The following EXOC6 variants were observed in gnomAD, a reference collection of about 807,000 sequenced individuals.
The protein encoded by EXOC6 is exocyst complex component 6.
In EXOC6, 60 loss-of-function variants were observed where a neutral mutation model predicts 112.5. The ratio of observed to expected loss-of-function variants is 0.53; its 90% CI spans 0.43 to 0.66. EXOC6 has a LOEUF of 0.66. EXOC6 is among the 30% of genes least tolerant of loss of function. The probability of loss-of-function intolerance (pLI) is 0.00; values close to 1 mark genes in which losing one functional copy is unlikely to be tolerated. For synonymous variants in EXOC6, 295 were observed against 308.0 expected (o/e 0.96, Z 0.44); for missense variants, 855 against 957.1 (o/e 0.89, Z 1.41).
intron 1 of EXOC6, among the ~76,000 whole-genome samples, chr10:92,892,565 G>A (rs935701266): frequency 1.3e-5 from 2 of 152,204 alleles, no homozygotes; most frequent in African/African-American, 2.4e-5. Context: ...CACACTGTTA[G>A]CATCTGCTAT....
At chr10:92,973,769 T>C (rs1842387994) in intron 17 of EXOC6, among the ~76,000 whole-genome samples, 1 of 152,166 alleles carries the variant, frequency 6.6e-6, no homozygotes, top group African/African-American at 2.4e-5. Flanking sequence ...AGGGTCCTCT[T>C]AGAGTTGTGA....
chr10:93,030,160 G>A (rs1228343122), intron 20 of EXOC6, among the ~76,000 whole-genome samples: 5 of 152,038 alleles, frequency 3.3e-5, no homozygotes, highest in Non-Finnish European at 7.4e-5. Context: ...TGCCTGCCTC[G>A]ACCTCCCAAA....
chr10:92,946,260 C>T (rs1852994274), intron 13 of EXOC6, among the ~76,000 whole-genome samples: 2 of 152,196 alleles, frequency 1.3e-5, no homozygotes, highest in South Asian at 2.1e-4. Flanking sequence ...TGCGCCACTG[C>T]ACTCCAGCCT....
chr10:92,829,328 T>G lies in EXOC6; in HGVS notation c.-27+2384T>G, dbSNP rs576472999. ...AGCCTGTCTATAAAATCCGATGCAC[T>G]CCCCACAGGCTGGAAGTCCCATTCG... On this transcript the variant is annotated intron_variant, in intron 1 of 22. Coordinates refer to the EXOC6 transcript ENST00000671701. Among the ~76,000 whole-genome samples, 7 of 152,242 alleles carry G rather than the reference T, an allele frequency of 4.6e-5. No individual in the cohort carries two copies. In the South Asian group the frequency reaches 1.4e-3, roughly 32 times the overall value.
chr10:92,941,937 A>G (rs1852690314), intron 13 of EXOC6, among the ~76,000 whole-genome samples: 1 of 152,078 alleles, frequency 6.6e-6, no homozygotes, highest in African/African-American at 2.4e-5. Flanking sequence ...GAAAAAGTCA[A>G]TCTTGAGGTT....
intron 1 of EXOC6, among the ~76,000 whole-genome samples, chr10:92,892,181 T>TAA (rs1179774348): frequency 1.3e-5 from 2 of 152,094 alleles, no homozygotes; most frequent in African/African-American, 2.4e-5. Context: ...GCAAAGTTGT[T>TAA]ACACTCATAG....
upstream of EXOC6, among the ~76,000 whole-genome samples, chr10:92,843,912 G>C (rs989050409): frequency 1.3e-5 from 2 of 150,156 alleles, no homozygotes; most frequent in Non-Finnish European, 3.0e-5. Context: ...TGGAGGTGGA[G>C]GCTGCAGTGA....
At chr10:92,991,213 G>A (rs1025522736) in intron 18 of EXOC6, among the ~76,000 whole-genome samples, 4 of 151,288 alleles carry the variant, frequency 2.6e-5, no homozygotes, top group Admixed American at 6.6e-5. Context: ...CGAGGTGGGC[G>A]GATTATGAGG....
At chr10:92,895,224 C>A (rs1849687133) in intron 4 of EXOC6, among the ~76,000 whole-genome samples, 1 of 152,138 alleles carries the variant, frequency 6.6e-6, no homozygotes, top group African/African-American at 2.4e-5. Context: ...GATTATATGT[C>A]ACATCAGTTT....
chr10:93,002,758 A>G (rs1371257795), intron 19 of EXOC6, among the ~76,000 whole-genome samples: 1 of 152,212 alleles, frequency 6.6e-6, no homozygotes, highest in Non-Finnish European at 1.5e-5. Flanking sequence ...TGAAGAGTTA[A>G]TAACAGCAAT....
intron 19 of EXOC6, among the ~76,000 whole-genome samples, chr10:93,000,487 G>A (rs760789032): frequency 6.6e-6 from 1 of 152,086 alleles, no homozygotes; most frequent in Non-Finnish European, 1.5e-5. Context: ...ACCAAGAAAG[G>A]TCCTGAGTAT....
chr10:92,934,521 A>T (rs1391698253), intron 11 of EXOC6, 91 bp downstream of exon 11: 1 of 1,081,330 alleles, frequency 9.2e-7, no homozygotes, highest in African/African-American at 1.6e-5. Context: ...CTGTACCTCC[A>T]TCATTCTGCA....
intron 13 of EXOC6, among the ~76,000 whole-genome samples, chr10:92,941,470 T>A (rs1454956944): frequency 6.6e-6 from 1 of 152,238 alleles, no homozygotes; most frequent in Non-Finnish European, 1.5e-5. Context: ...CTGGATCATA[T>A]GTAAATATAT....
At chr10:93,014,556 T>C (rs1160605150) in intron 20 of EXOC6, among the ~76,000 whole-genome samples, 1 of 152,210 alleles carries the variant, frequency 6.6e-6, no homozygotes, top group African/African-American at 2.4e-5. Flanking sequence ...ATAATGACAC[T>C]TGATGTTCAA....
At chr10:93,054,714 G>T (rs987510075) in intron 20 of EXOC6, among the ~76,000 whole-genome samples, 2 of 152,190 alleles carry the variant, frequency 1.3e-5, no homozygotes, top group African/African-American at 2.4e-5. Flanking sequence ...CCACTTGGGG[G>T]TAAATCAGCC....
At chr10:93,058,148 C>A in intron 21 of EXOC6, 75 bp from the exon 22 acceptor site, 1 of 1,383,194 alleles carries the variant, frequency 7.2e-7, no homozygotes, top group Non-Finnish European at 1.0e-6. Context: ...TCAGAGCATG[C>A]CAAGATATTT....
At chr10:92,955,416 G>T (rs78079120) in intron 16 of EXOC6, among the ~76,000 whole-genome samples, 164 bp from the exon 17 acceptor site, 1 of 150,442 alleles carries the variant, frequency 6.6e-6, no homozygotes, top group Admixed American at 6.6e-5. Flanking sequence ...AAATTCATAC[G>T]CAGTATTTGC....
chr10:92,845,552 CA>C (rs1169907413), upstream of EXOC6, among the ~76,000 whole-genome samples: 6,609 of 65,492 alleles, frequency 0.1, 145 homozygotes, highest in African/African-American at 0.15. Context: ...GACTCCATCT[CA>C]AAAAAAAAAA....
At chr10:93,052,290 T>C (rs1378701132) in intron 20 of EXOC6, among the ~76,000 whole-genome samples, 1 of 152,204 alleles carries the variant, frequency 6.6e-6, no homozygotes, top group East Asian at 1.9e-4. Flanking sequence ...AAACCCCAAG[T>C]TCCTTGGGCA....
Sources: gnomAD v4.1 joint callset for allele counts (sites outside exome capture counted in the v4.1 genomes callset) on GRCh38, gnomAD v4.1.1 for gene constraint, MANE v1.5 for transcripts, NCBI Gene and HGNC (gene_info 2026-07-23, HGNC 2026-07-21) for gene names.